HIF1A: variants seen among roughly 807,000 people sequenced by gnomAD.
HIF1A encodes hypoxia-inducible factor 1-alpha.
A neutral mutation model predicts 92.7 loss-of-function variants in HIF1A; 24 were observed. The observed-to-expected ratio is 0.26, with a 90% CI of 0.19 to 0.36. The LOEUF (loss-of-function observed/expected upper bound fraction) is 0.36. HIF1A is among the 10% of genes least tolerant of loss of function. The pLI, the probability that HIF1A is intolerant of heterozygous loss-of-function variation, is 1.00. For synonymous variants in HIF1A, 319 were observed against 338.7 expected, an observed-to-expected ratio of 0.94 and a Z score of 0.64; for missense variants, 799 against 998.5, an observed-to-expected ratio of 0.80 and a Z score of 2.69.
At chr14:61,705,636 A>G in intron 1 of HIF1A, among the ~76,000 whole-genome samples, 1 of 152,214 alleles carries the variant, frequency 6.6e-6, no homozygotes, top group East Asian at 1.9e-4. Context: ...CATAGGCCAT[A>G]TTAAAAATGG....
At chr14:61,730,462 T>G (rs2044563192) in intron 6 of HIF1A, among the ~76,000 whole-genome samples, 1 of 152,208 alleles carries the variant, frequency 6.6e-6, no homozygotes, top group Non-Finnish European at 1.5e-5. Context: ...CCCTACCTAC[T>G]TCTTCAGCAT....
intron 10 of HIF1A, among the ~76,000 whole-genome samples, chr14:61,739,893 A>G (rs1239662978): frequency 2.0e-5 from 3 of 152,108 alleles, no homozygotes; most frequent in Non-Finnish European, 4.4e-5. Context: ...TTAATTGGTC[A>G]ATTAGGTACC....
Position 61,731,009 on chromosome 14 carries a change from TGA to T in HIF1A, c.774-1407_774-1406del, listed in dbSNP as rs565876814. ...TTTGTAAAGAATTGAGGGTTTGAGT[TGA>T]GTTTGGTTTGGTTTTTGGCAAATCA... On this transcript the variant is annotated intron_variant, in intron 6 of 14. Transcript: ENST00000337138. 7.6e-4 allele frequency among the ~76,000 whole-genome samples: 115 copies of T among 152,306 alleles called. 2 individuals are homozygous for T. The East Asian group carries it at 0.02, about 27-fold the overall frequency.
chr14:61,701,425 C>T (rs2044174450), intron 1 of HIF1A, among the ~76,000 whole-genome samples: 1 of 151,786 alleles, frequency 6.6e-6, no homozygotes, highest in African/African-American at 2.4e-5. Context: ...TTGCAATTTT[C>T]ACTCATTAAG....
intron 6 of HIF1A, among the ~76,000 whole-genome samples, chr14:61,729,339 G>T (rs181906646): frequency 4.6e-5 from 7 of 152,130 alleles, no homozygotes; most frequent in Non-Finnish European, 8.8e-5. Context: ...GCACATGTCC[G>T]TAATCCCAGC....
chr14:61,704,088 AG>A (rs2044208132), intron 1 of HIF1A, among the ~76,000 whole-genome samples: 1 of 152,226 alleles, frequency 6.6e-6, no homozygotes, highest in Admixed American at 6.5e-5. Flanking sequence ...ATTGCCTTAT[AG>A]GATTGTTATG....
At chr14:61,737,730 T>C (rs1397551819) in intron 9 of HIF1A, among the ~76,000 whole-genome samples, 1 of 152,160 alleles carries the variant, frequency 6.6e-6, no homozygotes, top group African/African-American at 2.4e-5. Context: ...ATTTTTTATA[T>C]GTGAAAATCC....
intron 3 of HIF1A, 40 bp downstream of exon 3, chr14:61,721,694 TATG>T (rs1242446286): frequency 6.2e-7 from 1 of 1,609,778 alleles, no homozygotes; most frequent in African/African-American, 1.3e-5. Flanking sequence ...TATATGTTTT[TATG>T]ATTTTATGAT....
At chr14:61,734,609 G>C (rs1594881362) in intron 8 of HIF1A, among the ~76,000 whole-genome samples, 2 of 152,150 alleles carry the variant, frequency 1.3e-5, no homozygotes, top group East Asian at 3.9e-4. Context: ...AGACAGCTGT[G>C]TTCTTTTTGT....
chr14:61,708,728 C>T (rs1047076716), intron 1 of HIF1A, among the ~76,000 whole-genome samples: 4 of 152,142 alleles, frequency 2.6e-5, no homozygotes, highest in African/African-American at 9.7e-5. Context: ...AGTTTGAAGT[C>T]AGGTAGTGTG....
intron 6 of HIF1A, among the ~76,000 whole-genome samples, chr14:61,728,197 C>CT (rs1022161761): frequency 6.6e-6 from 1 of 152,100 alleles, no homozygotes; most frequent in African/African-American, 2.4e-5. Context: ...TAAGATGAGT[C>CT]TTTTTTTCCC....
intron 1 of HIF1A, among the ~76,000 whole-genome samples, chr14:61,714,783 G>A (rs1566564544): frequency 6.6e-6 from 1 of 152,082 alleles, no homozygotes; most frequent in Admixed American, 6.6e-5. Context: ...CCTGTAATCC[G>A]AACACTTTGG....
chr14:61,739,690 G>GT (rs530785363), intron 10 of HIF1A, among the ~76,000 whole-genome samples: 267 of 152,290 alleles, frequency 1.8e-3, no homozygotes, highest in African/African-American at 6.2e-3. Flanking sequence ...CACAGCTATA[G>GT]TTTTTTGTTA....
At chr14:61,725,736 C>T (rs2044495441) in intron 4 of HIF1A, among the ~76,000 whole-genome samples, 1 of 151,488 alleles carries the variant, frequency 6.6e-6, no homozygotes, top group Non-Finnish European at 1.5e-5. Flanking sequence ...GCTCTTTTCT[C>T]AGTCACCTAA....
intron 1 of HIF1A, among the ~76,000 whole-genome samples, chr14:61,706,827 A>AT (rs2044243991): frequency 6.6e-6 from 1 of 152,198 alleles, no homozygotes; most frequent in African/African-American, 2.4e-5. Flanking sequence ...TGTTGATATT[A>AT]TTTTTTAAAC....
intron 4 of HIF1A, among the ~76,000 whole-genome samples, chr14:61,723,526 T>A (rs1217708506): frequency 6.6e-6 from 1 of 152,224 alleles, no homozygotes; most frequent in African/African-American, 2.4e-5. Flanking sequence ...GACTCCTGTT[T>A]TTAAATTTCA....
rs141857786 is a variant in HIF1A at position 61,708,843 on chromosome 14, T to C, written c.36-11539T>C. Among the ~76,000 whole-genome samples, 796 of 152,334 alleles carry C rather than the reference T, an allele frequency of 5.2e-3. 9 individuals are homozygous for C. Among genetic ancestry groups the C allele is most frequent in the Admixed American group, 0.012 (182 of 15,304 alleles). ...GATGAAAACTGACGTTTGAGAACCT[T>C]CATCTTAGAGTAAAAACTTTACATA... On this transcript the variant is annotated intron_variant, in intron 1 of 14. Coordinates refer to ENST00000337138, the MANE Select transcript of HIF1A (RefSeq NM_001530.4).
At position 61,695,553 on chromosome 14, in the gene HIF1A, C is replaced by T. The variant is rs1046121948; in HGVS notation, c.-252C>T. ...CTCGTCTGAGGGGACAGGAGGATCA[C>T]CCTCTTCGTCGCTTCGGCCAGTGTG... is the stretch of plus-strand genomic sequence containing the variant. On this transcript the variant is annotated 5_prime_UTR_variant, in exon 1 of 15. Coordinates refer to ENST00000337138, the MANE Select transcript of HIF1A (RefSeq NM_001530.4). 5.2e-6 allele frequency: 3 copies of T among 577,338 alleles called. No homozygotes were observed. The highest frequency in any genetic ancestry group is 9.2e-6 in the Non-Finnish European group (3 of 325,852). The allele number at this position is 577,338 out of a possible 1,614,324, so 35.8% of individuals were successfully genotyped here.
intron 1 of HIF1A, among the ~76,000 whole-genome samples, chr14:61,703,137 C>T (rs182074267): frequency 5.3e-5 from 8 of 152,224 alleles, no homozygotes; most frequent in African/African-American, 1.4e-4. Flanking sequence ...CCACCATGCC[C>T]GGCCTCATGG....
Sources: gnomAD v4.1 joint callset for allele counts (sites outside exome capture counted in the v4.1 genomes callset) on GRCh38, gnomAD v4.1.1 for gene constraint, MANE v1.5 for transcripts, NCBI Gene and HGNC (gene_info 2026-07-23, HGNC 2026-07-21) for gene names.